TMTC2: variants seen among roughly 807,000 people sequenced by gnomAD.
The protein encoded by TMTC2 is protein O-mannosyl-transferase TMTC2.
Under a neutral mutation model 82.4 loss-of-function variants are expected in TMTC2, and 43 were observed. That is an observed-to-expected ratio of 0.52 (90% confidence interval 0.41 to 0.67). The LOEUF (loss-of-function observed/expected upper bound fraction) is 0.67. TMTC2 is among the 30% of genes least tolerant of loss of function. TMTC2 has a pLI of 0.00. For missense variants in TMTC2, 919 were observed against 1,012.4 expected (o/e 0.91, Z 1.25); for synonymous variants, 408 against 381.9 (o/e 1.07, Z -0.80).
intron 2 of TMTC2, among the ~76,000 whole-genome samples, chr12:82,886,623 C>A (rs138905009): frequency 6.6e-6 from 1 of 152,292 alleles, no homozygotes; most frequent in Non-Finnish European, 1.5e-5. Flanking sequence ...CATTGAACCT[C>A]TTTTAATATT....
chr12:83,084,610 CATT>C (rs1485227852), intron 11 of TMTC2, among the ~76,000 whole-genome samples: 2 of 152,154 alleles, frequency 1.3e-5, no homozygotes, highest in Non-Finnish European at 2.9e-5. Flanking sequence ...GTTTTCCTAT[CATT>C]AGTCAATTTT....
intron 8 of TMTC2, among the ~76,000 whole-genome samples, chr12:83,004,838 C>T (rs1363158941): frequency 7.5e-6 from 1 of 132,770 alleles, no homozygotes; most frequent in Non-Finnish European, 1.5e-5. Context: ...GGCTGGCAGG[C>T]GCGAAGCAGG....
At chr12:82,949,451 A>C (rs2137276675) in intron 4 of TMTC2, among the ~76,000 whole-genome samples, 1 of 152,288 alleles carries the variant, frequency 6.6e-6, no homozygotes, top group African/African-American at 2.4e-5. Context: ...TGGGAAGGGT[A>C]ATGGGGAAAG....
intron 10 of TMTC2, among the ~76,000 whole-genome samples, chr12:83,057,967 A>T (rs1383048396): frequency 6.6e-6 from 1 of 151,838 alleles, no homozygotes; most frequent in African/African-American, 2.4e-5. Context: ...AATGTGGTTA[A>T]TCGTAAGTGG....
intron 10 of TMTC2, among the ~76,000 whole-genome samples, chr12:83,051,471 G>A (rs1288482136): frequency 2.0e-5 from 3 of 151,904 alleles, no homozygotes; most frequent in Non-Finnish European, 4.4e-5. Flanking sequence ...AAATTACTGC[G>A]ACCTCCTTTC....
chr12:82,757,726 G>A (rs1458415247), intron 1 of TMTC2, among the ~76,000 whole-genome samples: 1 of 152,160 alleles, frequency 6.6e-6, no homozygotes, highest in Non-Finnish European at 1.5e-5. Flanking sequence ...TGTCTTCTGT[G>A]AATATCTCAA....
intron 1 of TMTC2, among the ~76,000 whole-genome samples, chr12:82,752,924 G>A (rs1470569875): frequency 6.6e-6 from 1 of 152,012 alleles, no homozygotes; most frequent in African/African-American, 2.4e-5. Context: ...AGGTGTCACT[G>A]TCTTGCTTTT....
intron 4 of TMTC2, among the ~76,000 whole-genome samples, chr12:82,934,577 T>C (rs200278026): frequency 2.6e-5 from 4 of 152,108 alleles, no homozygotes; most frequent in African/African-American, 7.2e-5. Context: ...TTTATGGCTG[T>C]GTAGTATTCT....
At chr12:83,041,359 A>T (rs1160527644) in intron 9 of TMTC2, among the ~76,000 whole-genome samples, 1 of 152,168 alleles carries the variant, frequency 6.6e-6, no homozygotes. Flanking sequence ...CTTGTGCTGC[A>T]CTCTCTGCTC....
At chr12:82,847,163 G>A (rs900453334) in intron 1 of TMTC2, among the ~76,000 whole-genome samples, 4 of 152,074 alleles carry the variant, frequency 2.6e-5, no homozygotes, top group Non-Finnish European at 5.9e-5. Flanking sequence ...TAAATATAAT[G>A]GCTTATCCCT....
rs1204556256 is a variant in TMTC2, at chr12:83,132,265, A to C, written c.2387A>C (p.Gln796Pro). Residue 796 changes from glutamine to proline, a missense_variant, in exon 12 of 12, where the codon CAG becomes CCG. Physicochemically the swap from Gln to Pro is moderately conservative, Grantham distance 76. Transcript: ENST00000321196. ...ATTCTGCACCTCAATGGCAGACTCC[A>C]GAAGGCCGAGGCCAACTACCTGCGG... ...GAILHLNGRL[Q>P]KAEANYLRAL... is the part of the protein sequence containing the mutation. The C allele has an allele frequency of 1.2e-6, 2 of 1,613,980 alleles. No homozygotes were observed. The highest frequency in any genetic ancestry group is 1.7e-6 in the Non-Finnish European group (2 of 1,179,952).
intron 1 of TMTC2, among the ~76,000 whole-genome samples, chr12:82,729,366 A>G (rs1298397710): frequency 6.6e-6 from 1 of 152,132 alleles, no homozygotes; most frequent in Non-Finnish European, 1.5e-5. Context: ...GACTTGGAGA[A>G]CCTTTATGTC....
chr12:82,720,682 A>G (rs1023140449), intron 1 of TMTC2, among the ~76,000 whole-genome samples: 6 of 152,100 alleles, frequency 3.9e-5, no homozygotes, highest in Non-Finnish European at 5.9e-5. Flanking sequence ...TGACTGCCTT[A>G]TTTTACATTC....
At chr12:83,003,791 T>G (rs1255274943) in intron 8 of TMTC2, among the ~76,000 whole-genome samples, 1 of 152,106 alleles carries the variant, frequency 6.6e-6, no homozygotes, top group Non-Finnish European at 1.5e-5. Flanking sequence ...CCAGTTGCCT[T>G]TAAGATATTT....
At chr12:82,807,215 A>T (rs1440177332) in intron 1 of TMTC2, among the ~76,000 whole-genome samples, 1 of 152,136 alleles carries the variant, frequency 6.6e-6, no homozygotes, top group East Asian at 1.9e-4. Flanking sequence ...TTATAAAGGG[A>T]TTTACCCAGG....
intron 11 of TMTC2, among the ~76,000 whole-genome samples, chr12:83,129,467 AT>A (rs1885196164): frequency 6.6e-6 from 1 of 152,280 alleles, no homozygotes; most frequent in East Asian, 1.9e-4. Flanking sequence ...AAAATACAAA[AT>A]TTGTTTCATC....
chr12:82,694,948 G>A (rs1017860087), intron 1 of TMTC2, among the ~76,000 whole-genome samples: 1 of 152,296 alleles, frequency 6.6e-6, no homozygotes, highest in Non-Finnish European at 1.5e-5. Flanking sequence ...TGATTCCAGA[G>A]ATTATTGATT....
chr12:82,785,717 G>A (rs12298979), intron 1 of TMTC2, among the ~76,000 whole-genome samples: 52,483 of 151,754 alleles, frequency 0.35, 9,312 homozygotes, highest in Middle Eastern at 0.55. Context: ...GTCTTTCACT[G>A]TCTAACCTGA....
intron 2 of TMTC2, among the ~76,000 whole-genome samples, chr12:82,870,026 C>T (rs536060852): frequency 2.2e-4 from 33 of 152,188 alleles, no homozygotes; most frequent in African/African-American, 7.5e-4. Flanking sequence ...AGTTTATGGA[C>T]ATTTTCAGTT....
Sources: gnomAD v4.1 joint callset for allele counts (sites outside exome capture counted in the v4.1 genomes callset) on GRCh38, gnomAD v4.1.1 for gene constraint, MANE v1.5 for transcripts, NCBI Gene and HGNC (gene_info 2026-07-23, HGNC 2026-07-21) for gene names.